The following ERC2 variants were observed in gnomAD, a reference collection of about 807,000 sequenced individuals.
The protein encoded by ERC2 is ELKS/RAB6-interacting/CAST family member 2, also known as ERC protein 2.
ERC2 carries 42 observed loss-of-function variants against 114.8 expected under a neutral mutation model. That is an observed-to-expected ratio of 0.37 (90% CI 0.29 to 0.47). The LOEUF (loss-of-function observed/expected upper bound fraction) is 0.47. ERC2 is among the 20% of genes least tolerant of loss of function. ERC2 has a pLI of 0.99. For missense variants in ERC2, 939 were observed against 1,150.7 expected (o/e 0.82, Z 2.66); for synonymous variants, 454 against 425.5 (o/e 1.07, Z -0.82).
intron 2 of ERC2, among the ~76,000 whole-genome samples, chr3:56,396,141 A>G (rs920938096): frequency 2.0e-5 from 3 of 152,208 alleles, no homozygotes; most frequent in Non-Finnish European, 4.4e-5. Context: ...GCAATTTGGC[A>G]ATAGCTATTA....
intron 3 of ERC2, among the ~76,000 whole-genome samples, chr3:56,260,821 T>A (rs567907991): frequency 6.6e-6 from 1 of 152,170 alleles, no homozygotes; most frequent in Non-Finnish European, 1.5e-5. Context: ...CCAGGCCAAT[T>A]CTCAGAATGC....
chr3:55,670,239 TGA>T (rs898328010), intron 17 of ERC2, among the ~76,000 whole-genome samples: 1 of 152,078 alleles, frequency 6.6e-6, no homozygotes, highest in Non-Finnish European at 1.5e-5. Flanking sequence ...TCTTACCCCA[TGA>T]GATCCTATAT....
At chr3:55,527,145 A>G (rs2053376257) in intron 17 of ERC2, among the ~76,000 whole-genome samples, 1 of 152,204 alleles carries the variant, frequency 6.6e-6, no homozygotes, top group Non-Finnish European at 1.5e-5. Context: ...CTTTAATCCA[A>G]CTGAATTTGA....
intron 13 of ERC2, among the ~76,000 whole-genome samples, chr3:55,904,519 T>C (rs2064320970): frequency 6.6e-6 from 1 of 152,192 alleles, no homozygotes; most frequent in Non-Finnish European, 1.5e-5. Context: ...TTTCTTCCCT[T>C]GCCAACCTCA....
intron 2 of ERC2, among the ~76,000 whole-genome samples, chr3:56,330,861 A>T (rs1176720243): frequency 6.6e-6 from 1 of 152,100 alleles, no homozygotes; most frequent in Non-Finnish European, 1.5e-5. Flanking sequence ...ACTCTGACAA[A>T]CCCTTCCTGT....
At chr3:56,238,955 C>T (rs2051142767) in intron 3 of ERC2, among the ~76,000 whole-genome samples, 1 of 152,074 alleles carries the variant, frequency 6.6e-6, no homozygotes, top group Non-Finnish European at 1.5e-5. Context: ...CCTTTCCTAC[C>T]TCTCAGGTTG....
At chr3:55,689,138 A>G (rs1559502509) in intron 16 of ERC2, among the ~76,000 whole-genome samples, 1 of 152,184 alleles carries the variant, frequency 6.6e-6, no homozygotes, top group Non-Finnish European at 1.5e-5. Flanking sequence ...TCACCTCACT[A>G]GGACACGCTG....
At chr3:55,908,166 A>G (rs4386462) in intron 13 of ERC2, among the ~76,000 whole-genome samples, 94,569 of 152,036 alleles carry the variant, frequency 0.62, 30,261 homozygotes, top group Non-Finnish European at 0.67. Context: ...CAGGTTCTAC[A>G]TGGCCAGATC....
intron 17 of ERC2, among the ~76,000 whole-genome samples, chr3:55,625,098 T>G (rs1470686583): frequency 1.3e-5 from 2 of 152,304 alleles, no homozygotes; most frequent in East Asian, 1.9e-4. Context: ...CCAGGCACGG[T>G]GGCTCACGCC....
intron 13 of ERC2, among the ~76,000 whole-genome samples, chr3:55,942,969 T>C (rs2066900729): frequency 6.6e-6 from 1 of 152,218 alleles, no homozygotes. Flanking sequence ...GGCAGTGATG[T>C]GCTGAAATAC....
At chr3:56,150,050 C>T (rs757666171) in intron 4 of ERC2, among the ~76,000 whole-genome samples, 41 of 152,100 alleles carry the variant, frequency 2.7e-4, no homozygotes, top group Admixed American at 6.6e-4. Flanking sequence ...TTTGACACAT[C>T]GAAAACTGAC....
intron 3 of ERC2, among the ~76,000 whole-genome samples, chr3:56,232,003 C>T (rs1365337470): frequency 6.6e-6 from 1 of 151,534 alleles, no homozygotes; most frequent in African/African-American, 2.4e-5. Context: ...CAAAGTCTTG[C>T]CCTGTTGCCC....
intron 4 of ERC2, among the ~76,000 whole-genome samples, chr3:56,172,383 G>A (rs1007816947): frequency 6.6e-6 from 1 of 152,116 alleles, no homozygotes. Flanking sequence ...AATTGTCATT[G>A]AATAAGAAAA....
At chr3:55,637,245 A>G (rs1276536196) in intron 17 of ERC2, among the ~76,000 whole-genome samples, 6 of 152,202 alleles carry the variant, frequency 3.9e-5, no homozygotes, top group Non-Finnish European at 8.8e-5. Context: ...TTTCTCATCT[A>G]TGTCTAGGCA....
chr3:56,043,389 T>C (rs2075298036), intron 7 of ERC2, among the ~76,000 whole-genome samples: 1 of 152,184 alleles, frequency 6.6e-6, no homozygotes, highest in African/African-American at 2.4e-5. Flanking sequence ...AAGTCATAGC[T>C]ATATATGTTA....
At chr3:56,380,599 CTGA>C (rs1224022956) in intron 2 of ERC2, among the ~76,000 whole-genome samples, 1 of 152,156 alleles carries the variant, frequency 6.6e-6, no homozygotes. Flanking sequence ...TCTTTAAAGC[CTGA>C]ATACATACTT....
At chr3:55,813,599 G>T (rs1445714995) in intron 14 of ERC2, among the ~76,000 whole-genome samples, 3 of 152,212 alleles carry the variant, frequency 2.0e-5, no homozygotes, top group Non-Finnish European at 4.4e-5. Context: ...AAGGTACAAG[G>T]TGACTGGGAA....
At chr3:55,773,382 A>G (rs1168517922) in intron 14 of ERC2, among the ~76,000 whole-genome samples, 2 of 152,186 alleles carry the variant, frequency 1.3e-5, no homozygotes, top group African/African-American at 4.8e-5. Context: ...AGGTCTTTTC[A>G]TAATTAAAAA....
intron 3 of ERC2, among the ~76,000 whole-genome samples, chr3:56,295,127 G>T (rs1352719640): frequency 4.6e-5 from 7 of 152,162 alleles, no homozygotes; most frequent in African/African-American, 1.7e-4. Flanking sequence ...AAGAAATCTA[G>T]TTTGGTCTAG....
Sources: gnomAD v4.1 joint callset for allele counts (sites outside exome capture counted in the v4.1 genomes callset) on GRCh38, gnomAD v4.1.1 for gene constraint, MANE v1.5 for transcripts, NCBI Gene and HGNC (gene_info 2026-07-23, HGNC 2026-07-21) for gene names.